ACSM4: variants seen among roughly 807,000 people sequenced by gnomAD.
ACSM4 encodes acyl-CoA synthetase medium chain family member 4.
In ACSM4, 66 loss-of-function variants were observed where a neutral mutation model predicts 73.0. That is an observed-to-expected ratio of 0.90 (90% CI 0.74 to 1.11). The LOEUF (loss-of-function observed/expected upper bound fraction) is 1.11. ACSM4 is among the 50% of genes least tolerant of loss of function. ACSM4 has a pLI of 0.00. For missense variants in ACSM4, 645 were observed against 714.4 expected (o/e 0.90, Z 1.11); for synonymous variants, 222 against 254.0 (o/e 0.87, Z 1.20).
intron 6 of ACSM4, among the ~76,000 whole-genome samples, chr12:7,321,159 T>TTTCCAGGGACAACCAGGG (rs1467922773): frequency 6.6e-6 from 1 of 152,174 alleles, no homozygotes; most frequent in East Asian, 1.9e-4. Flanking sequence ...CAGACCTCTG[T>TTTCCAGGGACAACCAGGG]AGTCCCAGAA....
intron 3 of ACSM4, among the ~76,000 whole-genome samples, chr12:7,312,832 A>G (rs1423330424): frequency 6.6e-6 from 1 of 152,206 alleles, no homozygotes; most frequent in Non-Finnish European, 1.5e-5. Context: ...TTTCAAGTTA[A>G]CAAAGTCATT....
chr12:7,306,664 G>A lies in ACSM4; in HGVS notation c.333G>A (p.Leu111=). ...ACGTGCTCACCAAGCCCTGTGGCCT[G>A]CAGAGAGGAGACCGTTTGGCCGTGA... The part of the protein sequence containing the change: ...AANVLTKPCG[L]QRGDRLAVIL... Residue 111 remains leucine (L), a synonymous_variant, in exon 2 of 13, where the codon CTG becomes CTA. Coordinates refer to ENST00000399422, the MANE Select transcript of ACSM4 (RefSeq NM_001080454.2). 2 of 1,610,846 alleles carry A rather than the reference G, an allele frequency of 1.2e-6. No individual in the cohort carries two copies. The highest frequency in any genetic ancestry group is 1.7e-6 in the Non-Finnish European group (2 of 1,178,668).
At chr12:7,322,323 T>C in intron 6 of ACSM4, 95 bp from the exon 7 acceptor site, 5 of 1,554,264 alleles carry the variant, frequency 3.2e-6, no homozygotes, top group Non-Finnish European at 4.4e-6. Flanking sequence ...TTGCCTCTCC[T>C]AGCTGCTATG....
intron 3 of ACSM4, among the ~76,000 whole-genome samples, chr12:7,313,690 G>A (rs963382709): frequency 1.3e-5 from 2 of 152,112 alleles, no homozygotes; most frequent in African/African-American, 4.8e-5. Flanking sequence ...ATCATGAGGG[G>A]TTCAAGATGG....
chr12:7,326,847 C>T (rs1230634770), intron 11 of ACSM4, 129 bp from the exon 12 acceptor site: 3 of 1,037,302 alleles, frequency 2.9e-6, no homozygotes, highest in Non-Finnish European at 4.0e-6. Flanking sequence ...CAGAGGTAAC[C>T]TCTGGCATTT....
intron 3 of ACSM4, among the ~76,000 whole-genome samples, chr12:7,313,741 G>GA (rs1479241626): frequency 2.0e-5 from 3 of 151,750 alleles, no homozygotes; most frequent in Non-Finnish European, 4.4e-5. Context: ...GATAAGGAAG[G>GA]AAAAAAAATA....
chr12:7,307,632 A>C (rs1265913134), intron 2 of ACSM4, among the ~76,000 whole-genome samples: 1 of 152,238 alleles, frequency 6.6e-6, no homozygotes, highest in East Asian at 1.9e-4. Flanking sequence ...TACCCCAAAT[A>C]AAAATTCCAA....
At position 7,328,425 on chromosome 12, in the gene ACSM4, T is replaced by A; in HGVS notation, c.*52T>A. ...CAGTAATATGGTTGCTTTCTTTTAG[T>A]ATTTGTTCCGATAATTCAGCGACTA... On this transcript the variant is annotated 3_prime_UTR_variant, in exon 13 of 13. Coordinates refer to ENST00000399422, the MANE Select transcript of ACSM4 (RefSeq NM_001080454.2). 7.4e-7 allele frequency: 1 copy of A among 1,344,118 alleles called. No individual in the cohort carries two copies. The highest frequency in any genetic ancestry group is 1.0e-6 in the Non-Finnish European group (1 of 988,250). The allele number at this position is 1,344,118 out of a possible 1,614,324, so 83.3% of individuals were successfully genotyped here.
chr12:7,318,041 G>A lies in ACSM4; in HGVS notation c.780G>A (p.Leu260=). 1 of 1,613,444 alleles carries A rather than the reference G, an allele frequency of 6.2e-7. No individual in the cohort carries two copies. The highest frequency in any genetic ancestry group is 8.5e-7 in the Non-Finnish European group (1 of 1,179,726). ...TATCATTTAGGTATTGGCTGGACTT[G>A]AAGTCCTCAGATATCATATGGAATA... is the stretch of plus-strand genomic sequence containing the variant. The part of the protein sequence containing the change: ...FTLCGRYWLD[L]KSSDIIWNMS... Residue 260 remains leucine (L), a synonymous_variant, in exon 5 of 13, where the codon TTG becomes TTA. Coordinates refer to ENST00000399422, the MANE Select transcript of ACSM4 (RefSeq NM_001080454.2).
chr12:7,312,846 T>C (rs1946399248), intron 3 of ACSM4, among the ~76,000 whole-genome samples: 1 of 152,210 alleles, frequency 6.6e-6, no homozygotes, highest in Admixed American at 6.5e-5. Flanking sequence ...AGTCATTCAA[T>C]AGTGTAGTGA....
intron 3 of ACSM4, among the ~76,000 whole-genome samples, chr12:7,313,647 C>T (rs777877214): frequency 1.5e-4 from 23 of 152,204 alleles, no homozygotes; most frequent in African/African-American, 5.5e-4. Context: ...TACAAAGGAC[C>T]GTGTCCTGTG....
Position 7,306,534 on chromosome 12 carries a change from C to A in ACSM4, c.203C>A (p.Thr68Lys). The part of the protein sequence containing the change: ...VLDQWSQKEK[T>K]GERPANPALW... The stretch of plus-strand genomic sequence containing the variant: ...TCTTTTCCATGTGTCCCTGGTCAGA[C>A]AGGGGAGAGACCAGCTAACCCAGCC... The change falls in exon 2 of 13, where the codon ACA becomes AAA. Residue 68 changes from threonine (T) to lysine (K), a missense_variant and splice_region_variant. By Grantham distance (78) the Thr-to-Lys change is moderately conservative. Coordinates refer to ENST00000399422, the MANE Select transcript of ACSM4 (RefSeq NM_001080454.2). The A allele has an allele frequency of 6.3e-7, 1 of 1,588,752 alleles. No individual in the cohort carries two copies. The highest frequency in any genetic ancestry group is 8.6e-7 in the Non-Finnish European group (1 of 1,167,712).
In ACSM4 at chr12:7,321,253, G is replaced by C. The variant is rs916055528; in HGVS notation, c.1001+449G>C. On this transcript the variant is annotated intron_variant, in intron 6 of 12. Transcript: ENST00000399422. ...GAACTCAAAAAAGAAAGAAAGAAAA[G>C]CACATTTATACTGCTTTGAAGAAAA... Among the ~76,000 whole-genome samples the C allele has an allele frequency of 1.8e-4, 27 of 152,134 alleles. 1 individual carries two copies. Among genetic ancestry groups the C allele is most frequent in the African/African-American group, 6.3e-4 (26 of 41,430 alleles).
At chr12:7,305,889 C>T (rs1946359095) in intron 1 of ACSM4, among the ~76,000 whole-genome samples, 1 of 152,104 alleles carries the variant, frequency 6.6e-6, no homozygotes, top group Admixed American at 6.5e-5. Flanking sequence ...AGAGGTTTTG[C>T]AGTACAGATG....
intron 2 of ACSM4, 102 bp downstream of exon 2, chr12:7,306,845 GACAA>G: frequency 8.1e-5 from 27 of 332,866 alleles, no homozygotes; most frequent in South Asian, 5.1e-4. Flanking sequence ...GCATACAGAA[GACAA>G]AAAAAAAAAA....
chr12:7,308,852 C>T (rs1015829909), intron 2 of ACSM4, among the ~76,000 whole-genome samples: 1 of 152,138 alleles, frequency 6.6e-6, no homozygotes, highest in South Asian at 2.1e-4. Flanking sequence ...AGGGAACTCA[C>T]CAAGAAATGA....
At chr12:7,325,828 A>G (rs1009702226) in intron 11 of ACSM4, among the ~76,000 whole-genome samples, 6 of 152,190 alleles carry the variant, frequency 3.9e-5, no homozygotes, top group African/African-American at 1.4e-4. Flanking sequence ...ACAAGTGACA[A>G]AATTTCAAAA....
chr12:7,306,580 A>G lies in ACSM4; in HGVS notation c.249A>G (p.Lys83=). Residue 83 remains lysine (K), a synonymous_variant, in exon 2 of 13, where the codon AAA becomes AAG. Coordinates refer to ENST00000399422, the MANE Select transcript of ACSM4 (RefSeq NM_001080454.2). Reference sequence around the variant, plus strand: ...CAGCCCTGTGGTGGGTGAATGGCAAAGGGGATGAGGTAAAATGGAGCTTCA... The same window carrying G: ...CAGCCCTGTGGTGGGTGAATGGCAAGGGGGATGAGGTAAAATGGAGCTTCA... ...ANPALWWVNG[K]GDEVKWSFRE... 2.5e-6 allele frequency: 4 copies of G among 1,602,058 alleles called. No individual in the cohort carries two copies. Among genetic ancestry groups the G allele is most frequent in the Non-Finnish European group, 3.4e-6 (4 of 1,174,310 alleles).
rs868690207 is a variant in ACSM4, at chr12:7,328,286, G to A, written c.1657-1G>A. ...TCATCACGTTTTTTTCTGTCAATTA[G>A]GTGGAATTTGTTCAAGAACTCCCAA... On this transcript the variant is annotated splice_acceptor_variant, in intron 12 of 12. Coordinates refer to ENST00000399422, the MANE Select transcript of ACSM4 (RefSeq NM_001080454.2). LOFTEE classifies it high-confidence loss of function. 3.2e-6 allele frequency: 5 copies of A among 1,578,170 alleles called. No homozygotes were observed. In the Middle Eastern group the frequency reaches 5.0e-4, roughly 159 times the overall value.
Sources: allele counts gnomAD v4.1 joint callset (sites outside exome capture counted in the v4.1 genomes callset), GRCh38; gene constraint gnomAD v4.1.1; transcripts MANE v1.5; gene names NCBI Gene and HGNC (gene_info 2026-07-23, HGNC 2026-07-21).